Variants in MACROH2A1 observed in about 807,000 individuals in gnomAD.
The protein encoded by MACROH2A1 is macroH2A.1 histone.
Under a neutral mutation model 31.6 loss-of-function variants are expected in MACROH2A1, and 2 were observed. That is an observed-to-expected ratio of 0.06 (90% confidence interval 0.03 to 0.20). The LOEUF (loss-of-function observed/expected upper bound fraction) is 0.20, where lower values mean the gene tolerates loss of function less well. Among genes scored for constraint, MACROH2A1 ranks in the 10% least tolerant of loss-of-function variants. The probability of loss-of-function intolerance (pLI) is 1.00; values close to 1 mark genes in which losing one functional copy is unlikely to be tolerated. For missense variants in MACROH2A1, 230 were observed against 474.0 expected, an observed-to-expected ratio of 0.49 and a Z score of 4.78; for synonymous variants, 169 against 189.6, an observed-to-expected ratio of 0.89 and a Z score of 0.89.
At chr5:135,354,960 G>C (rs1383332812) in intron 5 of MACROH2A1, 1 of 409,222 alleles carries the variant, frequency 2.4e-6, no homozygotes, top group East Asian at 7.1e-5. Flanking sequence ...ATGTGGATGT[G>C]TATGCTTTTA....
At position 135,335,005 on chromosome 5, in the gene MACROH2A1, G is replaced by T. The variant is rs1758408125; in HGVS notation, c.1090C>A (p.Gln364Lys). 6.2e-7 allele frequency: 1 copy of T among 1,613,784 alleles called. No homozygotes were observed. The highest frequency in any genetic ancestry group is 8.5e-7 in the Non-Finnish European group (1 of 1,179,848). Residue 364 changes from glutamine to lysine, a missense_variant, in exon 9 of 9, where the codon CAG (glutamine) becomes AAG (lysine). Transcript: ENST00000511689. ...TTGGCGTCCAGCTTGGCCATTTCCT[G>T]CACATAGATGCCTATACTCTCGCTG... ...FDSESIGIYV[Q>K]EMAKLDAN
chr5:135,375,027 A>G lies in MACROH2A1; in HGVS notation c.173-4885T>C, dbSNP rs182333128. Among the ~76,000 whole-genome samples the G allele has an allele frequency of 1.1e-4, 16 of 152,338 alleles. No homozygotes were observed. In the East Asian group the frequency reaches 2.1e-3, roughly 20 times the overall value. On this transcript the variant is annotated intron_variant, in intron 2 of 8. Transcript: ENST00000511689. ...CCCAAGGCGCTTAGGGTCTGCTCTG[A>G]AGAGGACTGTAAGTGTGGTAAAGTT...
At chr5:135,388,354 C>T (rs1385436408) in intron 2 of MACROH2A1, among the ~76,000 whole-genome samples, 1 of 152,142 alleles carries the variant, frequency 6.6e-6, no homozygotes, top group African/African-American at 2.4e-5. Flanking sequence ...TGCCTCCCGA[C>T]GTGATGCACA....
intron 7 of MACROH2A1, 96 bp downstream of exon 7, chr5:135,345,872 G>GC: frequency 1.2e-6 from 1 of 814,730 alleles, no homozygotes; most frequent in East Asian, 2.5e-5. Context: ...CGGCTGTGCT[G>GC]CCACACACCT....
chr5:135,358,092 A>G, intron 5 of MACROH2A1: 1 of 984,392 alleles, frequency 1.0e-6, no homozygotes, highest in Non-Finnish European at 1.2e-6. Context: ...AATGTCTATA[A>G]TATTTTAAAT....
At chr5:135,379,843 T>G (rs972323068) in intron 2 of MACROH2A1, among the ~76,000 whole-genome samples, 1 of 152,194 alleles carries the variant, frequency 6.6e-6, no homozygotes, top group African/African-American at 2.4e-5. Flanking sequence ...CTATCTCTAA[T>G]CAGCTGGGCA....
chr5:135,336,514 T>TCG (rs962848696), intron 8 of MACROH2A1, among the ~76,000 whole-genome samples: 52 of 84,816 alleles, frequency 6.1e-4, no homozygotes, highest in South Asian at 1.1e-3. Context: ...CGGCAGCTCC[T>TCG]CAGCCACAGA....
intron 1 of MACROH2A1, among the ~76,000 whole-genome samples, chr5:135,392,378 C>T (rs764916766): frequency 6.6e-6 from 1 of 152,206 alleles, no homozygotes. Flanking sequence ...GAGTCAGGCT[C>T]CTGTCCAATA....
rs769814140 is a variant in MACROH2A1 at position 135,370,193 on chromosome 5, C to T, written c.173-51G>A. On this transcript the variant is annotated intron_variant, in intron 2 of 8. Coordinates refer to ENST00000511689, the MANE Select transcript of MACROH2A1 (RefSeq NM_138610.3). ...GGTCATGTTAGAGGACCATGTGTCC[C>T]CGCCCCGGTCCCCACATTCACAGTG... 236 of 1,134,766 alleles carry T rather than the reference C, an allele frequency of 2.1e-4. 2 individuals are homozygous for T. The highest frequency in any genetic ancestry group is 3.1e-4 in the South Asian group (23 of 73,852). 70.3% of individuals were successfully genotyped at this position (1,134,766 alleles called of 1,614,324 possible).
intron 1 of MACROH2A1, among the ~76,000 whole-genome samples, chr5:135,395,684 A>G (rs1053624169): frequency 1.3e-5 from 2 of 152,218 alleles, no homozygotes; most frequent in Non-Finnish European, 2.9e-5. Context: ...ATGTGGATAT[A>G]CTAGACAACC....
chr5:135,369,403 T>C lies in MACROH2A1; in HGVS notation c.477+3A>G. 1 of 1,612,346 alleles carries C rather than the reference T, an allele frequency of 6.2e-7. No homozygotes were observed. The highest frequency in any genetic ancestry group is 8.5e-7 in the Non-Finnish European group (1 of 1,178,368). On this transcript the variant is annotated splice_donor_region_variant and intron_variant, in intron 4 of 8. Transcript: ENST00000511689. The surrounding 1 kb of genome is among the most constrained non-coding windows in gnomAD (Gnocchi z 4.3). Reference sequence around the variant, plus strand: ...CTTCATACATTCTGGCCAAATCACATACCTTGGATTTCCGGGCCCCTTTCT... The same window carrying C: ...CTTCATACATTCTGGCCAAATCACACACCTTGGATTTCCGGGCCCCTTTCT...
At chr5:135,339,032 CCA>C (rs1181365064) in intron 8 of MACROH2A1, among the ~76,000 whole-genome samples, 1 of 152,190 alleles carries the variant, frequency 6.6e-6, no homozygotes, top group African/African-American at 2.4e-5. Flanking sequence ...TTTGTTGTTT[CCA>C]CTCTCTCTTC....
At chr5:135,351,707 C>A (rs1333268865) in intron 6 of MACROH2A1, among the ~76,000 whole-genome samples, 1 of 150,978 alleles carries the variant, frequency 6.6e-6, no homozygotes, top group Non-Finnish European at 1.5e-5. Context: ...AGACTACAGG[C>A]ACGTGTCACC....
chr5:135,358,244 A>G, intron 5 of MACROH2A1: 1 of 985,280 alleles, frequency 1.0e-6, no homozygotes, highest in Non-Finnish European at 1.2e-6. Context: ...ATCAATGCTC[A>G]CTCCGTCTCA....
intron 2 of MACROH2A1, among the ~76,000 whole-genome samples, chr5:135,373,000 C>T (rs1243899943): frequency 6.6e-6 from 1 of 152,190 alleles, no homozygotes; most frequent in Non-Finnish European, 1.5e-5. Flanking sequence ...GCTTTATCTG[C>T]CCCCTCATTA....
intron 6 of MACROH2A1, chr5:135,347,237 T>C (rs1169888340): frequency 6.6e-6 from 1 of 152,220 alleles, no homozygotes; most frequent in Non-Finnish European, 1.5e-5. Flanking sequence ...TGAATGTTTG[T>C]TCTGCAGGGG....
chr5:135,334,912 A>ATT lies in MACROH2A1; in HGVS notation c.*62_*63dup. 6.1e-6 allele frequency: 8 copies of ATT among 1,321,910 alleles called. No individual in the cohort carries two copies. The highest frequency in any genetic ancestry group is 2.0e-5 in the Admixed American group (1 of 49,738). The allele number at this position is 1,321,910 out of a possible 1,614,324, so 81.9% of individuals were successfully genotyped here. On this transcript the variant is annotated 3_prime_UTR_variant, in exon 9 of 9. Coordinates refer to ENST00000511689, the MANE Select transcript of MACROH2A1 (RefSeq NM_138610.3). ...CCACCTCCCAGTAGGAGTGAAGGGG[A>ATT]TTTTTTTTTTCTTTTAAACTGAAGG...
chr5:135,377,015 T>C (rs1332467457), intron 2 of MACROH2A1, among the ~76,000 whole-genome samples: 1 of 152,214 alleles, frequency 6.6e-6, no homozygotes, highest in Non-Finnish European at 1.5e-5. Flanking sequence ...ACAGTTAACA[T>C]ATGTTTGAAA....
intron 2 of MACROH2A1, among the ~76,000 whole-genome samples, chr5:135,385,563 T>C (rs1199908602): frequency 6.6e-6 from 1 of 152,276 alleles, no homozygotes; most frequent in Middle Eastern, 3.4e-3. Context: ...CCTAAGCTGC[T>C]TGAAGGCTGG....
Sources: gnomAD v4.1 joint callset for allele counts (sites outside exome capture counted in the v4.1 genomes callset) on GRCh38, gnomAD v4.1.1 for gene constraint, Gnocchi (gnomAD v3.1) non-coding constraint, MANE v1.5 for transcripts, NCBI Gene and HGNC (gene_info 2026-07-23, HGNC 2026-07-21) for gene names.